The following ORC3 variants were observed in gnomAD, a reference collection of about 807,000 sequenced individuals.
ORC3 encodes the protein homolog of latheo, Drosophila.
A neutral mutation model predicts 100.7 loss-of-function variants in ORC3; 78 were observed. The ratio of observed to expected loss-of-function variants is 0.77; its 90% confidence interval spans 0.65 to 0.94. ORC3 has a LOEUF of 0.94. Among genes scored for constraint, ORC3 ranks in the 40% least tolerant of loss-of-function variants. The pLI, the probability that ORC3 is intolerant of heterozygous loss-of-function variation, is 0.00. For synonymous variants in ORC3, 295 were observed against 289.3 expected, an observed-to-expected ratio of 1.02 and a Z score of -0.20; for missense variants, 789 against 823.9, an observed-to-expected ratio of 0.96 and a Z score of 0.52.
chr6:87,676,596 AACACACACACACAC>A, the ORC3 span, among the ~76,000 whole-genome samples: 8 of 142,142 alleles, frequency 5.6e-5, no homozygotes, highest in Middle Eastern at 3.5e-3. Context: ...CTCTACTAAA[AACACACACACACAC>A]ACACACACAC....
chr6:87,650,913 A>G, intron 13 of ORC3: 1 of 306,264 alleles, frequency 3.3e-6, no homozygotes, highest in Non-Finnish European at 6.5e-6. Context: ...AGGTTGAGGC[A>G]GGAGAATCGC....
intron 11 of ORC3, among the ~76,000 whole-genome samples, chr6:87,630,611 C>A (rs1357338810): frequency 6.6e-6 from 1 of 152,110 alleles, no homozygotes; most frequent in African/African-American, 2.4e-5. Context: ...AGTAAAATAT[C>A]TGTTAGTGAT....
At chr6:87,674,447 A>G in the ORC3 span, among the ~76,000 whole-genome samples, 13 of 151,586 alleles carry the variant, frequency 8.6e-5, no homozygotes, top group African/African-American at 3.1e-4. Context: ...TTACTTCATT[A>G]TAAGAAAGCT....
At chr6:87,630,502 G>C (rs1426853541) in intron 11 of ORC3, among the ~76,000 whole-genome samples, 1 of 152,168 alleles carries the variant, frequency 6.6e-6, no homozygotes, top group Non-Finnish European at 1.5e-5. Flanking sequence ...TATGTGCCCG[G>C]TGTTAATCTA....
chr6:87,629,353 A>G (rs897089184), intron 11 of ORC3, among the ~76,000 whole-genome samples: 42 of 152,212 alleles, frequency 2.8e-4, no homozygotes, highest in African/African-American at 9.7e-4. Flanking sequence ...ATCTGAGGTC[A>G]CTGTTCACCC....
chr6:87,638,957 C>T (rs779511625), intron 13 of ORC3, among the ~76,000 whole-genome samples: 4 of 151,080 alleles, frequency 2.6e-5, no homozygotes, highest in African/African-American at 9.7e-5. Context: ...TCTAGTTGGC[C>T]GAGATAGTGA....
chr6:87,593,350 T>G (rs958453469), intron 1 of ORC3, among the ~76,000 whole-genome samples: 1 of 152,218 alleles, frequency 6.6e-6, no homozygotes, highest in Non-Finnish European at 1.5e-5. Context: ...AAATACAGTT[T>G]GTGCTTGAAG....
intron 11 of ORC3, among the ~76,000 whole-genome samples, chr6:87,634,077 C>A (rs1411734778): frequency 1.3e-5 from 2 of 152,066 alleles, no homozygotes; most frequent in African/African-American, 4.8e-5. Flanking sequence ...AACTTCTAAG[C>A]TCAAGCTATC....
the ORC3 span, among the ~76,000 whole-genome samples, chr6:87,674,432 T>A: frequency 2.6e-5 from 4 of 151,802 alleles, no homozygotes; most frequent in Non-Finnish European, 5.9e-5. Context: ...GAAGCATGTT[T>A]TTGCTTACTT....
At chr6:87,632,919 A>T (rs914236085) in intron 11 of ORC3, among the ~76,000 whole-genome samples, 1 of 152,226 alleles carries the variant, frequency 6.6e-6, no homozygotes, top group Admixed American at 6.5e-5. Flanking sequence ...CAGCACAGGG[A>T]TGCACCACAC....
chr6:87,601,957 GT>G, intron 3 of ORC3, 76 bp downstream of exon 3: 1 of 834,600 alleles, frequency 1.2e-6, no homozygotes, highest in Non-Finnish European at 2.1e-6. Context: ...CTTTCCACCA[GT>G]TTACAAGAGT....
intron 13 of ORC3, among the ~76,000 whole-genome samples, chr6:87,642,257 A>G (rs1014078178): frequency 1.3e-5 from 2 of 152,204 alleles, no homozygotes; most frequent in South Asian, 2.1e-4. Context: ...GTACCACTGC[A>G]CTCCAGCTTG....
chr6:87,663,154 A>G lies in ORC3; in HGVS notation c.1833+10A>G, dbSNP rs143302674. ...TTACTATTATCTCAAGGTAAGATGAACATTTAGTTTTCTGATAGTTTAGCT... is the reference window on the plus strand; with the variant it reads ...TTACTATTATCTCAAGGTAAGATGAGCATTTAGTTTTCTGATAGTTTAGCT... On this transcript the variant is annotated intron_variant, in intron 17 of 19. Transcript: ENST00000392844. The G allele has an allele frequency of 3.1e-5, 50 of 1,603,364 alleles. No individual in the cohort carries two copies. In the East Asian group the frequency reaches 1.1e-3, roughly 35 times the overall value.
chr6:87,623,271 C>T (rs1779656750), intron 11 of ORC3, among the ~76,000 whole-genome samples: 1 of 152,196 alleles, frequency 6.6e-6, no homozygotes, highest in Non-Finnish European at 1.5e-5. Flanking sequence ...TATAAAGTCA[C>T]TTCTAGATTG....
In ORC3 at chr6:87,612,110, A is replaced by G. The variant is rs1261507478; in HGVS notation, c.735A>G (p.Pro245=). 1 of 1,610,658 alleles carries G rather than the reference A, an allele frequency of 6.2e-7. No homozygotes were observed. The highest frequency in any genetic ancestry group is 8.5e-7 in the Non-Finnish European group (1 of 1,179,320). ...IISSQHLHEF[P]LILIFGIATS... Reference sequence around the variant, plus strand: ...CTAGTCAACATCTCCATGAATTTCCACTAATACTCATTTTTGGAATAGCCA... The same window carrying G: ...CTAGTCAACATCTCCATGAATTTCCGCTAATACTCATTTTTGGAATAGCCA... The change falls in exon 8 of 20, where the codon CCA becomes CCG. Residue 245 remains proline, a synonymous_variant. Coordinates refer to ENST00000392844, the MANE Select transcript of ORC3 (RefSeq NM_012381.4).
chr6:87,660,278 G>T (rs1770082932), intron 16 of ORC3, among the ~76,000 whole-genome samples: 1 of 152,190 alleles, frequency 6.6e-6, no homozygotes, highest in South Asian at 2.1e-4. Context: ...CTAGGATTTA[G>T]TGTCTTTACC....
At chr6:87,624,231 C>G (rs1196087261) in intron 11 of ORC3, among the ~76,000 whole-genome samples, 3 of 152,114 alleles carry the variant, frequency 2.0e-5, no homozygotes, top group Non-Finnish European at 4.4e-5. Flanking sequence ...CTCCTGTAAT[C>G]CCAGCATTTT....
At chr6:87,599,948 G>A (rs1294009945) in intron 2 of ORC3, among the ~76,000 whole-genome samples, 1 of 152,262 alleles carries the variant, frequency 6.6e-6, no homozygotes, top group South Asian at 2.1e-4. Context: ...ACTCCAGCCT[G>A]GGCAACAGAG....
chr6:87,632,949 C>T (rs1767538017), intron 11 of ORC3, among the ~76,000 whole-genome samples: 1 of 152,200 alleles, frequency 6.6e-6, no homozygotes, highest in African/African-American at 2.4e-5. Context: ...TATGAAGGAA[C>T]TGAGACCACC....
Sources: allele counts gnomAD v4.1 joint callset (sites outside exome capture counted in the v4.1 genomes callset), GRCh38; gene constraint gnomAD v4.1.1; transcripts MANE v1.5; gene names NCBI Gene and HGNC (gene_info 2026-07-23, HGNC 2026-07-21).